The following WDPCP variants were observed in gnomAD, a reference collection of about 807,000 sequenced individuals.
The protein encoded by WDPCP is WD repeat-containing and planar cell polarity effector protein fritz homolog.
WDPCP carries 71 observed loss-of-function variants against 93.1 expected under a neutral mutation model. That is an observed-to-expected ratio of 0.76 (90% confidence interval 0.63 to 0.93). WDPCP has a LOEUF of 0.93. Among genes scored for constraint, WDPCP ranks in the 40% least tolerant of loss-of-function variants. WDPCP has a pLI of 0.00. For missense variants in WDPCP, 844 were observed against 887.4 expected (o/e 0.95, Z 0.62); for synonymous variants, 315 against 315.0 (o/e 1.00, Z 0.00).
At chr2:63,659,794 C>G (rs1710206818) in intron 2 of WDPCP, among the ~76,000 whole-genome samples, 1 of 152,214 alleles carries the variant, frequency 6.6e-6, no homozygotes, top group Non-Finnish European at 1.5e-5. Flanking sequence ...AGAGTATCCT[C>G]TAATGGCCAC....
chr2:63,476,214 G>A (rs766932031), intron 6 of WDPCP, among the ~76,000 whole-genome samples: 2 of 152,066 alleles, frequency 1.3e-5, no homozygotes, highest in Non-Finnish European at 2.9e-5. Flanking sequence ...CAATATGAAA[G>A]TGTTTACAGT....
intron 2 of WDPCP, among the ~76,000 whole-genome samples, chr2:63,765,623 A>G (rs998436684): frequency 2.0e-5 from 3 of 152,170 alleles, no homozygotes; most frequent in African/African-American, 7.2e-5. Context: ...TCTGGCTTCT[A>G]TGCAACATTG....
At chr2:63,138,973 A>T (rs566887707) in intron 17 of WDPCP, among the ~76,000 whole-genome samples, 3 of 152,136 alleles carry the variant, frequency 2.0e-5, no homozygotes, top group African/African-American at 7.2e-5. Context: ...TTCCTGAGTT[A>T]CTTCACGTAG....
upstream of WDPCP, among the ~76,000 whole-genome samples, chr2:63,830,598 C>G (rs1284376277): frequency 1.3e-5 from 2 of 152,090 alleles, no homozygotes; most frequent in Non-Finnish European, 2.9e-5. Flanking sequence ...TCCTATCACT[C>G]TACTGCTCTT....
chr2:63,750,268 C>T (rs192187031), intron 2 of WDPCP, among the ~76,000 whole-genome samples: 197 of 152,036 alleles, frequency 1.3e-3, no homozygotes, highest in African/African-American at 4.5e-3. Flanking sequence ...CACAATTTTG[C>T]CTAGGTTTAG....
At chr2:63,630,194 C>G (rs1242082479) in intron 3 of WDPCP, among the ~76,000 whole-genome samples, 2 of 151,840 alleles carry the variant, frequency 1.3e-5, no homozygotes, top group African/African-American at 4.8e-5. Context: ...TTCAAGTAAC[C>G]CACAAGAATT....
chr2:63,780,833 T>C (rs941564213), intron 2 of WDPCP, among the ~76,000 whole-genome samples: 3 of 152,140 alleles, frequency 2.0e-5, no homozygotes, highest in African/African-American at 7.2e-5. Flanking sequence ...AGAAAATAAA[T>C]AGGTAGTTAG....
At chr2:63,474,582 T>C (rs1405973169) in intron 6 of WDPCP, among the ~76,000 whole-genome samples, 3 of 152,258 alleles carry the variant, frequency 2.0e-5, no homozygotes, top group African/African-American at 7.2e-5. Context: ...AGTATCTCAC[T>C]GCTATTTTAA....
intron 3 of WDPCP, among the ~76,000 whole-genome samples, chr2:63,615,839 GCTT>G (rs1168745157): frequency 2.0e-5 from 3 of 152,172 alleles, no homozygotes; most frequent in Admixed American, 1.3e-4. Context: ...TTCTACTCAT[GCTT>G]CTTCTCTTAC....
At chr2:63,572,033 A>G (rs1184612134) in intron 1 of WDPCP, among the ~76,000 whole-genome samples, 1 of 152,222 alleles carries the variant, frequency 6.6e-6, no homozygotes, top group East Asian at 1.9e-4. Context: ...ATTACTGCAA[A>G]GAAATCAGGC....
At chr2:63,536,770 A>G (rs1029848587) in intron 1 of WDPCP, among the ~76,000 whole-genome samples, 18 of 46,842 alleles carry the variant, frequency 3.8e-4, no homozygotes, top group African/African-American at 2.4e-3. Flanking sequence ...CAGATTCTTC[A>G]TGCTTTTTTT....
intron 2 of WDPCP, among the ~76,000 whole-genome samples, chr2:63,724,153 T>C (rs1669465627): frequency 6.6e-6 from 1 of 152,230 alleles, no homozygotes; most frequent in Non-Finnish European, 1.5e-5. Flanking sequence ...GATAAATATT[T>C]AGTTTGATGT....
chr2:63,213,975 A>G lies in WDPCP; in HGVS notation c.1916-39143T>C, dbSNP rs548212683. On this transcript the variant is annotated intron_variant, in intron 14 of 17. Transcript: ENST00000272321. ...TAACAGGCTCTGAAATTGAGGCAATAATTAATAGCCTACCAACCAAAAGAA... is the reference window on the plus strand; with the variant it reads ...TAACAGGCTCTGAAATTGAGGCAATGATTAATAGCCTACCAACCAAAAGAA... Among the ~76,000 whole-genome samples, 5 of 152,196 alleles carry G rather than the reference A, an allele frequency of 3.3e-5. No individual in the cohort carries two copies. The South Asian group carries it at 1.0e-3, about 31-fold the overall frequency.
At chr2:63,827,244 C>T (rs1482246541) in intron 1 of WDPCP, among the ~76,000 whole-genome samples, 2 of 152,096 alleles carry the variant, frequency 1.3e-5, no homozygotes, top group Non-Finnish European at 2.9e-5. Context: ...CCTTCTGACC[C>T]TGTGTCATTG....
chr2:63,647,255 A>C (rs1353503905), intron 3 of WDPCP, among the ~76,000 whole-genome samples: 4 of 152,088 alleles, frequency 2.6e-5, no homozygotes, highest in Non-Finnish European at 5.9e-5. Context: ...CTCTGGCCTC[A>C]GCCTCCTGAG....
At chr2:63,485,350 C>T (rs1008236547) in intron 4 of WDPCP, among the ~76,000 whole-genome samples, 1 of 140,886 alleles carries the variant, frequency 7.1e-6, no homozygotes, top group African/African-American at 2.7e-5. Context: ...CTACAAGTAA[C>T]CTACTCAGAC....
upstream of WDPCP, among the ~76,000 whole-genome samples, chr2:63,592,000 T>A (rs988529285): frequency 1.1e-4 from 17 of 152,212 alleles, no homozygotes; most frequent in African/African-American, 4.1e-4. Context: ...GAGCCAGGAC[T>A]TGAACACAGA....
intron 2 of WDPCP, among the ~76,000 whole-genome samples, chr2:63,783,563 T>C (rs1180315371): frequency 2.0e-5 from 3 of 152,092 alleles, no homozygotes; most frequent in Non-Finnish European, 4.4e-5. Context: ...AGTATAAGTA[T>C]ATATACACAA....
At chr2:63,776,722 A>C (rs1220801896) in intron 2 of WDPCP, among the ~76,000 whole-genome samples, 1 of 151,932 alleles carries the variant, frequency 6.6e-6, no homozygotes, top group Non-Finnish European at 1.5e-5. Context: ...GTTCAACATC[A>C]TTAGTTGTTA....
Sources: gnomAD v4.1 joint callset for allele counts (sites outside exome capture counted in the v4.1 genomes callset) on GRCh38, gnomAD v4.1.1 for gene constraint, MANE v1.5 for transcripts, NCBI Gene and HGNC (gene_info 2026-07-23, HGNC 2026-07-21) for gene names.